Variants in NELFB observed in about 807,000 individuals in gnomAD.
The protein encoded by NELFB is negative elongation factor B.
NELFB carries 34 observed loss-of-function variants against 60.2 expected under a neutral mutation model. The ratio of observed to expected loss-of-function variants is 0.56; its 90% confidence interval spans 0.43 to 0.75. The LOEUF is 0.75. NELFB is among the 30% of genes least tolerant of loss of function. The pLI, the probability that NELFB is intolerant of heterozygous loss-of-function variation, is 0.00. For missense variants in NELFB, 770 were observed against 831.6 expected, an observed-to-expected ratio of 0.93 and a Z score of 0.91; for synonymous variants, 459 against 382.1, an observed-to-expected ratio of 1.20 and a Z score of -2.35.
In NELFB at chr9:137,260,546, A is replaced by AG. The variant is rs566210170; in HGVS notation, c.742-2489dup. On this transcript the variant is annotated intron_variant, in intron 4 of 12. Transcript: ENST00000343053. ...CAGCTCACTGCAACCTCAGTCTCCC[A>AG]GGTTCAAGTGATTCTCCTGCCTCAA... Among the ~76,000 whole-genome samples, 186 of 147,138 alleles carry AG rather than the reference A, an allele frequency of 1.3e-3. 1 individual carries two copies. The East Asian group carries it at 0.017, about 14-fold the overall frequency.
intron 3 of NELFB, 80 bp downstream of exon 3, chr9:137,256,508 C>T (rs1837554112): frequency 3.1e-6 from 4 of 1,283,734 alleles, no homozygotes; most frequent in Admixed American, 1.8e-5. Context: ...TTCCGGTGGC[C>T]GCCTAGCTCC....
At chr9:137,268,315 G>T (rs1830544282) in intron 10 of NELFB, among the ~76,000 whole-genome samples, 1 of 152,202 alleles carries the variant, frequency 6.6e-6, no homozygotes, top group Non-Finnish European at 1.5e-5. Flanking sequence ...GCCGGGCACG[G>T]TGGCTCAGGC....
At chr9:137,258,357 C>T (rs188297578) in intron 4 of NELFB, among the ~76,000 whole-genome samples, 1 of 150,986 alleles carries the variant, frequency 6.6e-6, no homozygotes, top group East Asian at 2.0e-4. Context: ...CTCCTGGGCT[C>T]AAGTAATCTG....
intron 4 of NELFB, among the ~76,000 whole-genome samples, chr9:137,257,551 G>A (rs1454960803): frequency 4.7e-5 from 7 of 150,156 alleles, no homozygotes; most frequent in Non-Finnish European, 5.9e-5. Context: ...TGCCCAGGCT[G>A]GAGTGCAATG....
chr9:137,259,344 G>A (rs1025117146), intron 4 of NELFB, among the ~76,000 whole-genome samples: 27 of 152,372 alleles, frequency 1.8e-4, no homozygotes, highest in African/African-American at 6.0e-4. Flanking sequence ...CCTTCGGGCC[G>A]TGGTTCCTGA....
intron 4 of NELFB, among the ~76,000 whole-genome samples, chr9:137,260,829 G>A (rs1400850121): frequency 1.3e-5 from 2 of 151,928 alleles, no homozygotes; most frequent in African/African-American, 4.8e-5. Flanking sequence ...GGGAGGCAGA[G>A]GTGGGTGGAT....
Position 137,273,051 on chromosome 9 carries a change from T to A in NELFB, c.*123T>A. On this transcript the variant is annotated 3_prime_UTR_variant, in exon 13 of 13. Coordinates refer to ENST00000343053, the MANE Select transcript of NELFB (RefSeq NM_015456.5). Reference sequence around the variant, plus strand: ...CTTCCCGGGGCTATGGCTGGGCCTGTCCTGCCGTCATGGCCCCCTGCTTCC... The same window carrying A: ...CTTCCCGGGGCTATGGCTGGGCCTGACCTGCCGTCATGGCCCCCTGCTTCC... The A allele has an allele frequency of 8.7e-7, 1 of 1,146,778 alleles. No homozygotes were observed. Among genetic ancestry groups the A allele is most frequent in the Non-Finnish European group, 1.2e-6 (1 of 845,356 alleles). The allele number at this position is 1,146,778 out of a possible 1,614,324, so 71.0% of individuals were successfully genotyped here. A position where few individuals can be genotyped will look rare whatever the true frequency, so the allele number is the denominator to read the frequency against.
At chr9:137,271,748 C>G (rs1255736027) in intron 10 of NELFB, among the ~76,000 whole-genome samples, 2 of 152,072 alleles carry the variant, frequency 1.3e-5, no homozygotes, top group Non-Finnish European at 2.9e-5. Flanking sequence ...CCTCGTTTTT[C>G]TGTCTCCTTC....
Position 137,266,336 on chromosome 9 carries a change from C to T in NELFB, c.1149C>T (p.Ser383=), listed in dbSNP as rs1830517157. The stretch of plus-strand genomic sequence containing the variant: ...TGAGCCCGTCCTCCCTACAGGACAG[C>T]CCCGACCTCCTGCTGCTGCTCCGGC... Residue 383 remains serine (S), a synonymous_variant, in exon 8 of 13, where the codon AGC becomes AGT. Transcript: ENST00000343053. The T allele has an allele frequency of 2.5e-6, 4 of 1,612,504 alleles. No homozygotes were observed. Among genetic ancestry groups the T allele is most frequent in the African/African-American group, 1.3e-5 (1 of 74,948 alleles).
intron 8 of NELFB, 41 bp from the exon 9 acceptor site, chr9:137,266,903 G>A: frequency 1.2e-6 from 2 of 1,605,972 alleles, no homozygotes; most frequent in Non-Finnish European, 1.7e-6. Context: ...GGTGGGGCAG[G>A]GCCCGGGCCC....
chr9:137,256,491 G>A, intron 3 of NELFB, 63 bp downstream of exon 3: 1 of 1,483,378 alleles, frequency 6.7e-7, no homozygotes. Context: ...CCCTTGGTTA[G>A]TGGAAGTTCC....
rs373963174 is a variant in NELFB, at chr9:137,256,807, C to G, written c.511-17C>G. ...GGACACAGGTGCCACTCACAGGCAGCCTGTGGTGTCATGTAGGTTCCGGAG... is the reference window on the plus strand; with the variant it reads ...GGACACAGGTGCCACTCACAGGCAGGCTGTGGTGTCATGTAGGTTCCGGAG... On this transcript the variant is annotated splice_polypyrimidine_tract_variant and intron_variant, in intron 3 of 12. Transcript: ENST00000343053. The G allele has an allele frequency of 5.8e-5, 93 of 1,612,096 alleles. No homozygotes were observed. The African/African-American group carries it at 1.1e-3, about 20-fold the overall frequency.
At chr9:137,260,217 G>GT (rs1166799282) in intron 4 of NELFB, among the ~76,000 whole-genome samples, 1 of 142,072 alleles carries the variant, frequency 7.0e-6, no homozygotes, top group African/African-American at 2.6e-5. Context: ...GCCCAGCTAT[G>GT]TTTTTTGTAT....
Position 137,272,817 on chromosome 9 carries a change from C to G in NELFB, c.1776C>G (p.Leu592=), listed in dbSNP as rs535606538. Reference sequence around the variant, plus strand: ...CAGTGAAGGAGCTTTACTCCCAGCTCGGCGAGAAGCTGGAACAGCTGGATC... The same window carrying G: ...CAGTGAAGGAGCTTTACTCCCAGCTGGGCGAGAAGCTGGAACAGCTGGATC... The change falls in exon 13 of 13, where the codon CTC becomes CTG. Residue 592 remains leucine, a synonymous_variant. Coordinates refer to ENST00000343053, the MANE Select transcript of NELFB (RefSeq NM_015456.5). 7.1e-6 allele frequency: 11 copies of G among 1,549,796 alleles called. No homozygotes were observed. The highest frequency in any genetic ancestry group is 8.7e-6 in the Non-Finnish European group (10 of 1,146,588).
Position 137,272,069 on chromosome 9 carries a change from C to T in NELFB, c.1490-12C>T. The T allele has an allele frequency of 6.2e-7, 1 of 1,614,078 alleles. No individual in the cohort carries two copies. Among genetic ancestry groups the T allele is most frequent in the Non-Finnish European group, 8.5e-7 (1 of 1,179,962 alleles). ...GTGAGTGGCACTGGGCTGATGCCTG[C>T]TGTGTCTGCAGTGGAGACCTTTGGC... On this transcript the variant is annotated splice_polypyrimidine_tract_variant and intron_variant, in intron 10 of 12. Coordinates refer to ENST00000343053, the MANE Select transcript of NELFB (RefSeq NM_015456.5).
Position 137,256,991 on chromosome 9 carries a change from T to C in NELFB, c.678T>C (p.Ser226=), listed in dbSNP as rs908105311. 6 of 1,613,932 alleles carry C rather than the reference T, an allele frequency of 3.7e-6. No individual in the cohort carries two copies. The highest frequency in any genetic ancestry group is 1.3e-5 in the African/African-American group (1 of 74,954). Reference sequence around the variant, plus strand: ...TGGAGAAGGAGAGCGCTCTCTTCAGTACAGAGCTCTCTGTCCTGCACAACT... The same window carrying C: ...TGGAGAAGGAGAGCGCTCTCTTCAGCACAGAGCTCTCTGTCCTGCACAACT... The change falls in exon 4 of 13, where the codon AGT becomes AGC. Residue 226 remains serine (S), a synonymous_variant. Transcript: ENST00000343053.
intron 7 of NELFB, 85 bp downstream of exon 7, chr9:137,266,064 G>A (rs1030121239): frequency 2.4e-5 from 26 of 1,102,984 alleles, no homozygotes; most frequent in Non-Finnish European, 2.8e-5. Flanking sequence ...GGACAGCAGC[G>A]GCCAGGTGGA....
At chr9:137,262,366 A>G (rs1424130347) in intron 4 of NELFB, among the ~76,000 whole-genome samples, 2 of 152,190 alleles carry the variant, frequency 1.3e-5, no homozygotes, top group African/African-American at 4.8e-5. Context: ...TGCTGGCGTC[A>G]CCGCTAGACC....
In NELFB at chr9:137,263,507, C is replaced by T. The variant is rs183332674; in HGVS notation, c.927+285C>T. ...CCCTCCTGAAGGTAGCATTGCCCTC[C>T]CTCCTTCCCCCTGGCCCTCCTGGCT... On this transcript the variant is annotated intron_variant, in intron 5 of 12. Transcript: ENST00000343053. Among the ~76,000 whole-genome samples, 451 of 148,204 alleles carry T rather than the reference C, an allele frequency of 3.0e-3. 1 individual carries two copies. Among genetic ancestry groups the T allele is most frequent in the African/African-American group, 0.011 (424 of 39,528 alleles).
Sources: allele counts gnomAD v4.1 joint callset (sites outside exome capture counted in the v4.1 genomes callset), GRCh38; gene constraint gnomAD v4.1.1; transcripts MANE v1.5; gene names NCBI Gene and HGNC (gene_info 2026-07-23, HGNC 2026-07-21).